Variants in DMD observed in about 807,000 individuals in gnomAD.
DMD encodes the protein mutant dystrophin.
DMD carries 63 observed loss-of-function variants against 330.1 expected under a neutral mutation model. The ratio of observed to expected loss-of-function variants is 0.19; its 90% confidence interval spans 0.16 to 0.24. The LOEUF is 0.24. Ranked by LOEUF, DMD falls within the 10% of genes least tolerant of loss-of-function variation. The pLI is 1.00. For missense variants in DMD, 3,344 were observed against 2,684.1 expected (o/e 1.25, Z -5.43); for synonymous variants, 1,223 against 959.8 (o/e 1.27, Z -5.07).
chrX:31,924,097 AT>A (rs762758925), intron 47 of DMD, among the ~76,000 whole-genome samples: 39 of 110,001 alleles, frequency 3.5e-4, no homozygotes, highest in Middle Eastern at 4.7e-3. Context: ...ATTTTACAGC[AT>A]TTTTTTTTCC....
Position 32,849,828 on chromosome X carries a change from TA to T in DMD, c.94-9del, listed in dbSNP as rs3834997. The T allele has an allele frequency of 3.0e-5, 34 of 1,128,852 alleles. No individual in the cohort carries two copies. Among genetic ancestry groups the T allele is most frequent in the Non-Finnish European group, 3.7e-5 (30 of 821,763 alleles). The allele number at this position is 1,128,852 out of a possible 1,213,427, so 93.0% of individuals were successfully genotyped here. On this transcript the variant is annotated splice_polypyrimidine_tract_variant and intron_variant, in intron 2 of 78. Transcript: ENST00000357033. ...AATATGCTGCTTCCCAAACTGAAAT[TA>T]AAAAAAATACACTCAATTTAACAAA...
chrX:32,714,650 A>G (rs1287567580), intron 7 of DMD, among the ~76,000 whole-genome samples: 1 of 111,725 alleles, frequency 9.0e-6, no homozygotes, highest in African/African-American at 3.3e-5. Context: ...TCAATGTACA[A>G]ACTAACTTAG....
chrX:31,769,724 T>C (rs1034710483), intron 51 of DMD, among the ~76,000 whole-genome samples: 1 of 112,487 alleles, frequency 8.9e-6, no homozygotes, highest in Admixed American at 9.4e-5. Context: ...AAGCTTGCTT[T>C]AGATCATAAT....
chrX:32,875,197 G>A (rs920219986), intron 2 of DMD, among the ~76,000 whole-genome samples: 2 of 111,845 alleles, frequency 1.8e-5, no homozygotes, highest in African/African-American at 3.3e-5. Flanking sequence ...CTTGATACAT[G>A]TCCCTCTTCA....
intron 62 of DMD, among the ~76,000 whole-genome samples, chrX:31,278,973 T>G (rs2052401211): frequency 8.9e-6 from 1 of 112,333 alleles, no homozygotes; most frequent in African/African-American, 3.2e-5. Flanking sequence ...TTAGACAGTC[T>G]GCAGCCATGG....
chrX:32,372,877 G>C (rs1332570072), intron 34 of DMD, among the ~76,000 whole-genome samples: 1 of 110,452 alleles, frequency 9.1e-6, no homozygotes, highest in Non-Finnish European at 1.9e-5. Flanking sequence ...TAAACAATTT[G>C]GAATACTTTT....
intron 1 of DMD, among the ~76,000 whole-genome samples, chrX:33,321,875 T>C (rs759312056): frequency 8.9e-6 from 1 of 112,019 alleles, no homozygotes; most frequent in East Asian, 2.8e-4. Flanking sequence ...CACTTTTATG[T>C]TTGGAGGTGG....
At chrX:31,834,863 G>GAA (rs1235804566) in intron 49 of DMD, among the ~76,000 whole-genome samples, 1 of 100,429 alleles carries the variant, frequency 1.0e-5, no homozygotes. Flanking sequence ...CAGGGAAGGA[G>GAA]AAAAAAAAAA....
chrX:32,747,761 G>T (rs751074805), intron 7 of DMD, among the ~76,000 whole-genome samples: 3 of 110,555 alleles, frequency 2.7e-5, no homozygotes, highest in Non-Finnish European at 3.8e-5. Context: ...CTACAGGTGT[G>T]AGCCAACATG....
intron 16 of DMD, among the ~76,000 whole-genome samples, chrX:32,562,341 T>C (rs1037556894): frequency 1.4e-4 from 16 of 112,849 alleles, no homozygotes; most frequent in Non-Finnish European, 2.6e-4. Context: ...TCCTCCTAGC[T>C]GATTATTTTT....
rs368902406 is a variant in DMD, at chrX:32,339,744, G to C, written c.5922+2356C>G. ...AACTCACTCAGCTCTCACATACTAA[G>C]CATTTTAAGAGTACCGCTTACTATT... On this transcript the variant is annotated intron_variant, in intron 41 of 78. Transcript: ENST00000357033. Among the ~76,000 whole-genome samples, 3 of 111,861 alleles carry C rather than the reference G, an allele frequency of 2.7e-5. No homozygotes were observed. In the East Asian group the frequency reaches 8.4e-4, roughly 31 times the overall value.
At chrX:32,308,062 C>T (rs141172969) in intron 42 of DMD, among the ~76,000 whole-genome samples, 1,893 of 109,710 alleles carry the variant, frequency 0.017, 18 homozygotes, top group Middle Eastern at 0.029. Flanking sequence ...CTATTAAATG[C>T]AGATTTCCAC....
At chrX:33,174,874 A>G (rs912812737) in intron 1 of DMD, among the ~76,000 whole-genome samples, 1 of 112,213 alleles carries the variant, frequency 8.9e-6, no homozygotes, top group African/African-American at 3.2e-5. Flanking sequence ...ATGATCATGC[A>G]TCGAATCTTG....
intron 44 of DMD, among the ~76,000 whole-genome samples, chrX:32,117,733 C>T (rs755108006): frequency 8.9e-6 from 1 of 112,044 alleles, no homozygotes; most frequent in African/African-American, 3.2e-5. Flanking sequence ...GGAAGCCTGC[C>T]TACAGGGCAC....
At chrX:31,345,793 C>A (rs2058049241) in intron 61 of DMD, among the ~76,000 whole-genome samples, 1 of 111,664 alleles carries the variant, frequency 9.0e-6, no homozygotes, top group Non-Finnish European at 1.9e-5. Context: ...TTAACTTATC[C>A]CTTTTTCTTG....
At chrX:32,435,695 C>A (rs1483820474) in intron 29 of DMD, among the ~76,000 whole-genome samples, 1 of 110,978 alleles carries the variant, frequency 9.0e-6, no homozygotes, top group East Asian at 2.9e-4. Context: ...AGAGGTTTGT[C>A]TGTCCCAGTG....
At chrX:33,176,559 AGTGTGTGTGT>A (rs67497965) in intron 1 of DMD, among the ~76,000 whole-genome samples, 1 of 102,763 alleles carries the variant, frequency 9.7e-6, no homozygotes, top group Non-Finnish European at 2.0e-5. Flanking sequence ...CAAGCACAGA[AGTGTGTGTGT>A]GTGTGTGTGT....
chrX:32,684,571 G>C (rs1214563376), intron 9 of DMD, among the ~76,000 whole-genome samples: 1 of 111,456 alleles, frequency 9.0e-6, no homozygotes, highest in Non-Finnish European at 1.9e-5. Flanking sequence ...AATTTATTCT[G>C]TCATAAGCCC....
In DMD at chrX:32,816,621, T is replaced by C. The variant is rs1185901766; in HGVS notation, c.377A>G (p.Asn126Ser). The C allele has an allele frequency of 2.5e-6, 3 of 1,209,835 alleles. No homozygotes were observed. The change falls in exon 6 of 79, where the codon AAT becomes AGT. Residue 126 changes from asparagine (N) to serine (S), a missense_variant. Asn to Ser is a conservative substitution (Grantham distance 46). Coordinates refer to ENST00000357033, the MANE Select transcript of DMD (RefSeq NM_004006.3). The part of the protein sequence containing the change: ...LHWQVKNVMK[N>S]IMAGLQQTNS... ...GGTTTGTTGCAATCCAGCCATGATA[T>C]TTTTCATTACATTTTTGACCTACAT...
Sources: allele counts gnomAD v4.1 joint callset (sites outside exome capture counted in the v4.1 genomes callset), GRCh38; gene constraint gnomAD v4.1.1; transcripts MANE v1.5; gene names NCBI Gene and HGNC (gene_info 2026-07-23, HGNC 2026-07-21).